Variants in PCM1 observed in about 807,000 individuals in gnomAD.
PCM1 encodes pericentriolar material 1 protein.
PCM1 carries 157 observed loss-of-function variants against 241.9 expected under a neutral mutation model. The ratio of observed to expected loss-of-function variants is 0.65; its 90% CI spans 0.57 to 0.74. The LOEUF (loss-of-function observed/expected upper bound fraction) is 0.74. Among genes scored for constraint, PCM1 ranks in the 30% least tolerant of loss-of-function variants. The pLI, the probability that PCM1 is intolerant of heterozygous loss-of-function variation, is 0.00. For missense variants in PCM1, 3,478 were observed against 2,360.1 expected, an observed-to-expected ratio of 1.47 and a Z score of -9.81; for synonymous variants, 1,085 against 784.9, an observed-to-expected ratio of 1.38 and a Z score of -6.39.
chr8:17,953,080 C>A lies in PCM1; in HGVS notation c.1182C>A (p.Val394=), dbSNP rs1303327961. 4 of 1,603,928 alleles carry A rather than the reference C, an allele frequency of 2.5e-6. No homozygotes were observed. Among genetic ancestry groups the A allele is most frequent in the Non-Finnish European group, 3.4e-6 (4 of 1,174,728 alleles). ...CAGAACGTTTACCTGATGAGAAAGT[C>A]GAACTTTTTAGCAAAATGAGAGTGC... The part of the protein sequence containing the change: ...SASERLPDEK[V]ELFSKMRVLQ... The change falls in exon 9 of 39, where the codon GTC becomes GTA. Residue 394 remains valine, a synonymous_variant. Transcript: ENST00000325083.
intron 36 of PCM1, among the ~76,000 whole-genome samples, chr8:18,017,887 A>C (rs1233899204): frequency 6.6e-6 from 1 of 152,124 alleles, no homozygotes; most frequent in African/African-American, 2.4e-5. Flanking sequence ...TTGACTCTGA[A>C]GACAATAATC....
chr8:18,013,984 A>G lies in PCM1; in HGVS notation c.5532A>G (p.Lys1844=). ...TCTAGGTCCTACAACGTGACTTTAA[A>G]AAGACAGCAGAAAGCAAAAATGTCC... The part of the protein sequence containing the change: ...HDEQVLQRDF[K]KTAESKNVPL... The change falls in exon 35 of 39, where the codon AAA becomes AAG. Residue 1844 remains lysine, a synonymous_variant. Coordinates refer to ENST00000325083, the MANE Select transcript of PCM1 (RefSeq NM_006197.4). 3 of 1,604,298 alleles carry G rather than the reference A, an allele frequency of 1.9e-6. No homozygotes were observed. The highest frequency in any genetic ancestry group is 2.6e-6 in the Non-Finnish European group (3 of 1,175,556).
intron 6 of PCM1, among the ~76,000 whole-genome samples, chr8:17,945,534 C>T (rs1227634079): frequency 1.3e-5 from 2 of 152,124 alleles, no homozygotes; most frequent in Non-Finnish European, 2.9e-5. Context: ...TCATAACTTT[C>T]TTGAATATTT....
At chr8:17,936,809 T>G (rs2129449266) in intron 3 of PCM1, among the ~76,000 whole-genome samples, 1 of 152,336 alleles carries the variant, frequency 6.6e-6, no homozygotes, top group Admixed American at 6.5e-5. Flanking sequence ...TTTATTTCAC[T>G]ATTTATAATA....
In PCM1 at chr8:17,937,166, A is replaced by G; in HGVS notation, c.129A>G (p.Arg43=). Residue 43 remains arginine (R), a synonymous_variant, in exon 4 of 39, where the codon AGA becomes AGG. Coordinates refer to ENST00000325083, the MANE Select transcript of PCM1 (RefSeq NM_006197.4). The part of the protein sequence containing the change: ...DWGAQQKKAN[R]SSEKNKKKFG... ...GTGCCCAACAGAAGAAAGCAAATAG[A>G]TCATCAGAAAAGAATAAGAAAAAGT... is the stretch of plus-strand genomic sequence containing the variant. The G allele has an allele frequency of 6.3e-7, 1 of 1,575,894 alleles. No homozygotes were observed. Among genetic ancestry groups the G allele is most frequent in the African/African-American group, 1.3e-5 (1 of 74,284 alleles).
At chr8:18,015,112 T>C (rs1357109457) in intron 36 of PCM1, among the ~76,000 whole-genome samples, 6 of 152,208 alleles carry the variant, frequency 3.9e-5, no homozygotes, top group Non-Finnish European at 8.8e-5. Flanking sequence ...TAATGATGCA[T>C]GAATCCTCCT....
At chr8:18,019,929 C>G (rs1198014278) in intron 36 of PCM1, among the ~76,000 whole-genome samples, 2 of 152,096 alleles carry the variant, frequency 1.3e-5, no homozygotes, top group East Asian at 3.9e-4. Context: ...CAAGGGTTCC[C>G]TAGGCCCACA....
intron 36 of PCM1, among the ~76,000 whole-genome samples, chr8:18,019,637 A>G (rs2093601309): frequency 6.6e-6 from 1 of 152,148 alleles, no homozygotes; most frequent in South Asian, 2.1e-4. Context: ...AGCAGTTCAC[A>G]ATAGGGTTCA....
intron 24 of PCM1, among the ~76,000 whole-genome samples, chr8:17,983,723 G>T (rs2081713664): frequency 6.6e-6 from 1 of 152,102 alleles, no homozygotes; most frequent in African/African-American, 2.4e-5. Flanking sequence ...TAAAGATCAT[G>T]GAAATTACAA....
chr8:17,973,471 C>G (rs1249164150), intron 23 of PCM1, among the ~76,000 whole-genome samples: 1 of 152,106 alleles, frequency 6.6e-6, no homozygotes, highest in African/African-American at 2.4e-5. Flanking sequence ...GTAATCCCAG[C>G]ACTTTGGGAG....
At chr8:18,010,711 G>A (rs535095507) in intron 32 of PCM1, 43 bp downstream of exon 32, 137 of 1,409,702 alleles carry the variant, frequency 9.7e-5, no homozygotes, top group Admixed American at 1.2e-4. Flanking sequence ...GGCTGGGCGC[G>A]GTGGCTCACC....
At chr8:17,978,897 G>C (rs1208445192) in intron 23 of PCM1, among the ~76,000 whole-genome samples, 1 of 152,126 alleles carries the variant, frequency 6.6e-6, no homozygotes, top group Non-Finnish European at 1.5e-5. Context: ...TTTGTTACCA[G>C]GAAATCTGTC....
At chr8:17,988,141 A>G (rs535896952) in intron 26 of PCM1, among the ~76,000 whole-genome samples, 1 of 151,910 alleles carries the variant, frequency 6.6e-6, no homozygotes, top group Non-Finnish European at 1.5e-5. Flanking sequence ...TCCCGATGAT[A>G]ATAAAATGGT....
chr8:18,000,021 T>G (rs1012993463), intron 29 of PCM1, among the ~76,000 whole-genome samples: 1 of 152,198 alleles, frequency 6.6e-6, no homozygotes, highest in Non-Finnish European at 1.5e-5. Context: ...TGTTTATCAG[T>G]TAATGATACA....
At chr8:18,024,492 C>T (rs553927553) in intron 36 of PCM1, among the ~76,000 whole-genome samples, 2 of 152,108 alleles carry the variant, frequency 1.3e-5, no homozygotes, top group Non-Finnish European at 2.9e-5. Flanking sequence ...TGCCTCACTA[C>T]GAGTACAATT....
intron 36 of PCM1, among the ~76,000 whole-genome samples, chr8:18,024,445 C>T (rs554116655): frequency 2.0e-5 from 3 of 152,218 alleles, no homozygotes; most frequent in Non-Finnish European, 2.9e-5. Context: ...CTTTGAAAAA[C>T]GTTAGTACAA....
intron 28 of PCM1, among the ~76,000 whole-genome samples, chr8:17,992,165 T>C (rs1231639121): frequency 6.6e-6 from 1 of 152,238 alleles, no homozygotes; most frequent in African/African-American, 2.4e-5. Flanking sequence ...TTTGGACTGG[T>C]TCCATATTTT....
Position 17,944,040 on chromosome 8 carries a change from C to T in PCM1, c.784-3146C>T, listed in dbSNP as rs576433731. ...GAAGAAGGCAAAAGAAAGCCTTCTA[C>T]GAGTAGCCATGCGTTCATTGTTTTC... On this transcript the variant is annotated intron_variant, in intron 6 of 38. Transcript: ENST00000325083. Among the ~76,000 whole-genome samples the T allele has an allele frequency of 5.3e-5, 8 of 152,266 alleles. No homozygotes were observed. In the South Asian group the frequency reaches 1.5e-3, roughly 28 times the overall value.
chr8:18,006,304 A>G lies in PCM1; in HGVS notation c.4869A>G (p.Ser1623=). The change falls in exon 30 of 39, where the codon TCA becomes TCG. Residue 1623 remains serine (S), a synonymous_variant. Transcript: ENST00000325083. ...TATGCTCCTCGCAGCTTCTAACTTC[A>G]GTAAGGCGCATGGTTTTGACCCTTA... The part of the protein sequence containing the change: ...DEVCSSQLLT[S]VRRMVLTLTQ... The G allele has an allele frequency of 1.2e-6, 2 of 1,612,122 alleles. No homozygotes were observed. Among genetic ancestry groups the G allele is most frequent in the East Asian group, 2.2e-5 (1 of 44,854 alleles).
Sources: gnomAD v4.1 joint callset for allele counts (sites outside exome capture counted in the v4.1 genomes callset) on GRCh38, gnomAD v4.1.1 for gene constraint, MANE v1.5 for transcripts, NCBI Gene and HGNC (gene_info 2026-07-23, HGNC 2026-07-21) for gene names.